The following CADM2 variants were observed in gnomAD, a reference collection of about 807,000 sequenced individuals.
CADM2 encodes cell adhesion molecule 2.
In CADM2, 12 loss-of-function variants were observed where a neutral mutation model predicts 49.8. The ratio of observed to expected loss-of-function variants is 0.24; its 90% confidence interval spans 0.15 to 0.39. The LOEUF is 0.39. CADM2 is among the 10% of genes least tolerant of loss of function. CADM2 has a pLI of 1.00. For missense variants in CADM2, 378 were observed against 492.3 expected (o/e 0.77, Z 2.20); for synonymous variants, 214 against 175.4 (o/e 1.22, Z -1.74).
At chr3:85,979,838 C>T (rs1645624231) in intron 8 of CADM2, among the ~76,000 whole-genome samples, 1 of 151,560 alleles carries the variant, frequency 6.6e-6, no homozygotes, top group African/African-American at 2.4e-5. Context: ...ACTTATTCTA[C>T]TAATAGAATG....
intron 7 of CADM2, among the ~76,000 whole-genome samples, chr3:85,950,919 G>A (rs2108585981): frequency 6.6e-6 from 1 of 151,164 alleles, no homozygotes; most frequent in Non-Finnish European, 1.5e-5. Context: ...GTTTAAGGGA[G>A]TAAGTAGGCT....
intron 1 of CADM2, among the ~76,000 whole-genome samples, chr3:85,522,335 C>T (rs1232020570): frequency 1.3e-5 from 2 of 151,818 alleles, no homozygotes; most frequent in African/African-American, 2.4e-5. Flanking sequence ...GGTAATTCAC[C>T]TTTTTTCTGT....
At chr3:85,289,497 TC>T (rs1474802677) in intron 1 of CADM2, among the ~76,000 whole-genome samples, 1 of 152,216 alleles carries the variant, frequency 6.6e-6, no homozygotes. Flanking sequence ...GGTTAATTTG[TC>T]AATGTGGACA....
intron 5 of CADM2, among the ~76,000 whole-genome samples, chr3:85,899,158 G>A (rs1395017475): frequency 6.6e-6 from 1 of 150,842 alleles, no homozygotes; most frequent in East Asian, 2.0e-4. Context: ...TAGAGACAGG[G>A]TTTCGTCATT....
At chr3:85,870,549 A>G (rs1271556923) in intron 3 of CADM2, among the ~76,000 whole-genome samples, 1 of 152,146 alleles carries the variant, frequency 6.6e-6, no homozygotes, top group Non-Finnish European at 1.5e-5. Context: ...GATAGCCTTC[A>G]ACTCCATCCA....
chr3:85,389,583 C>A (rs28735964), intron 1 of CADM2, among the ~76,000 whole-genome samples: 2 of 152,216 alleles, frequency 1.3e-5, no homozygotes, highest in South Asian at 4.2e-4. Flanking sequence ...CCCAATCTCT[C>A]TGATCAAAAG....
intron 1 of CADM2, among the ~76,000 whole-genome samples, chr3:85,673,391 A>G (rs1039230797): frequency 6.6e-6 from 1 of 152,098 alleles, no homozygotes; most frequent in African/African-American, 2.4e-5. Context: ...CCAGGGGCTT[A>G]CTAATTTCAA....
intron 7 of CADM2, among the ~76,000 whole-genome samples, chr3:85,956,920 A>G (rs1033815325): frequency 1.3e-5 from 2 of 151,630 alleles, no homozygotes; most frequent in African/African-American, 4.8e-5. Context: ...CTGTATGTTT[A>G]AAAGTTCAAA....
chr3:85,738,320 A>T (rs1181699651), intron 2 of CADM2, among the ~76,000 whole-genome samples: 1 of 152,218 alleles, frequency 6.6e-6, no homozygotes, highest in African/African-American at 2.4e-5. Flanking sequence ...GAAGACCTGA[A>T]TTCTGATTGT....
intron 1 of CADM2, among the ~76,000 whole-genome samples, chr3:85,157,702 A>G (rs554345791): frequency 1.0e-3 from 155 of 152,022 alleles, no homozygotes; most frequent in African/African-American, 3.5e-3. Context: ...AGATGGATTA[A>G]AGACTTAAAC....
At chr3:86,018,289 TG>T (rs1367262872) in intron 8 of CADM2, among the ~76,000 whole-genome samples, 3 of 134,258 alleles carry the variant, frequency 2.2e-5, no homozygotes, top group Non-Finnish European at 4.7e-5. Context: ...GTTGGACATT[TG>T]GGTTGGTTCC....
At chr3:85,881,809 G>T (rs1473795759) in intron 3 of CADM2, among the ~76,000 whole-genome samples, 1 of 152,090 alleles carries the variant, frequency 6.6e-6, no homozygotes, top group Non-Finnish European at 1.5e-5. Flanking sequence ...TTCCATGGAT[G>T]GTGGGCGGTA....
intron 5 of CADM2, among the ~76,000 whole-genome samples, chr3:85,901,907 G>A (rs1283647485): frequency 1.3e-5 from 2 of 151,780 alleles, no homozygotes; most frequent in East Asian, 3.9e-4. Context: ...TGTGTTTTTT[G>A]TGATTAGCTT....
intron 3 of CADM2, among the ~76,000 whole-genome samples, chr3:85,849,010 A>G (rs964291996): frequency 6.6e-6 from 1 of 152,210 alleles, no homozygotes; most frequent in Non-Finnish European, 1.5e-5. Flanking sequence ...CTCATATTCC[A>G]ATAAGTAAAA....
intron 1 of CADM2, among the ~76,000 whole-genome samples, chr3:85,426,020 T>A (rs908452912): frequency 2.4e-4 from 36 of 152,172 alleles, no homozygotes; most frequent in Non-Finnish European, 3.2e-4. Context: ...TCTAGACACA[T>A]TCCAGAAGAC....
intron 8 of CADM2, among the ~76,000 whole-genome samples, chr3:86,063,219 T>C (rs1009395184): frequency 6.6e-5 from 10 of 152,180 alleles, no homozygotes; most frequent in African/African-American, 2.4e-4. Flanking sequence ...CTCTTCACCA[T>C]ATCTGGTGAA....
At position 85,804,596 on chromosome 3, in the gene CADM2, G is replaced by A. The variant is rs552296012; in HGVS notation, c.238+2400G>A. Among the ~76,000 whole-genome samples the A allele has an allele frequency of 1.0e-3, 157 of 152,182 alleles. 1 individual carries two copies. Among genetic ancestry groups the A allele is most frequent in the African/African-American group, 3.6e-3 (150 of 41,544 alleles). On this transcript the variant is annotated intron_variant, in intron 3 of 9. Transcript: ENST00000383699. ...CATGTTTACAGTGACATCTCCAATC[G>A]TGAGGTCAAATCCTCAGGCACAAAG...
intron 1 of CADM2, among the ~76,000 whole-genome samples, chr3:85,617,408 G>C (rs2063829514): frequency 6.6e-6 from 1 of 152,136 alleles, no homozygotes; most frequent in South Asian, 2.1e-4. Flanking sequence ...GTGAGGTCTG[G>C]AGGGGTACTA....
intron 1 of CADM2, among the ~76,000 whole-genome samples, chr3:85,283,254 TTTATC>T (rs1432148250): frequency 6.6e-6 from 1 of 151,884 alleles, no homozygotes; most frequent in African/African-American, 2.4e-5. Flanking sequence ...ATTTCTAACT[TTTATC>T]TTATTTTTTG....
Sources: gnomAD v4.1 joint callset for allele counts (sites outside exome capture counted in the v4.1 genomes callset) on GRCh38, gnomAD v4.1.1 for gene constraint, MANE v1.5 for transcripts, NCBI Gene and HGNC (gene_info 2026-07-23, HGNC 2026-07-21) for gene names.